Variants in PPFIA2 observed in about 807,000 individuals in gnomAD.
PPFIA2 encodes the protein PPFI scaffold protein A2.
In PPFIA2, 46 loss-of-function variants were observed where a neutral mutation model predicts 175.5. That is an observed-to-expected ratio of 0.26 (90% confidence interval 0.21 to 0.34). PPFIA2 has a LOEUF of 0.34. Ranked by LOEUF, PPFIA2 falls within the 10% of genes least tolerant of loss-of-function variation. The pLI, the probability that PPFIA2 is intolerant of heterozygous loss-of-function variation, is 1.00. For missense variants in PPFIA2, 1,179 were observed against 1,506.1 expected (o/e 0.78, Z 3.60); for synonymous variants, 568 against 511.4 (o/e 1.11, Z -1.49).
chr12:81,295,601 C>G (rs1383731761), intron 23 of PPFIA2, among the ~76,000 whole-genome samples: 9 of 152,092 alleles, frequency 5.9e-5, no homozygotes, highest in Admixed American at 5.9e-4. Context: ...TATGAAAATG[C>G]CTTTTAGAGA....
At chr12:81,362,910 C>A in intron 14 of PPFIA2, 126 bp from the exon 15 acceptor site, 1 of 534,294 alleles carries the variant, frequency 1.9e-6, no homozygotes, top group East Asian at 3.1e-5. Flanking sequence ...GGTTATTACA[C>A]ATAATAATAA....
intron 7 of PPFIA2, chr12:81,424,766 C>T (rs1384450581): frequency 6.6e-6 from 1 of 152,146 alleles, no homozygotes; most frequent in Admixed American, 6.6e-5. Flanking sequence ...TGTTTATTAG[C>T]TCCCTATAAT....
chr12:81,304,569 A>C (rs1014894556), intron 22 of PPFIA2, among the ~76,000 whole-genome samples: 2 of 152,240 alleles, frequency 1.3e-5, no homozygotes, highest in African/African-American at 4.8e-5. Flanking sequence ...ACATTTGAGT[A>C]GAAACATGTA....
chr12:81,694,923 C>G (rs562010473), intron 3 of PPFIA2, among the ~76,000 whole-genome samples: 8 of 152,186 alleles, frequency 5.3e-5, no homozygotes, highest in Non-Finnish European at 1.2e-4. Flanking sequence ...TATTTGGGAG[C>G]TTTAAAATTT....
chr12:81,499,187 C>T (rs1594055901), intron 4 of PPFIA2, among the ~76,000 whole-genome samples: 1 of 152,142 alleles, frequency 6.6e-6, no homozygotes, highest in African/African-American at 2.4e-5. Context: ...CTGTACCATG[C>T]CCCTGTAATG....
chr12:81,377,475 C>A (rs1284125019), intron 9 of PPFIA2, among the ~76,000 whole-genome samples: 2 of 151,938 alleles, frequency 1.3e-5, no homozygotes, highest in African/African-American at 4.8e-5. Flanking sequence ...ATCGCTTGAA[C>A]CTGGGAGGTG....
chr12:81,517,623 T>G (rs535926230), intron 4 of PPFIA2, among the ~76,000 whole-genome samples: 60 of 152,250 alleles, frequency 3.9e-4, no homozygotes, highest in Non-Finnish European at 2.4e-4. Flanking sequence ...TTGAGAACAC[T>G]AGTTGCAAGA....
At chr12:81,330,884 C>T (rs1044142043) in intron 21 of PPFIA2, among the ~76,000 whole-genome samples, 1 of 152,194 alleles carries the variant, frequency 6.6e-6, no homozygotes, top group Non-Finnish European at 1.5e-5. Context: ...TGTATCTATA[C>T]ACAGTGCCTG....
At chr12:81,493,795 G>A (rs1292643324) in intron 4 of PPFIA2, among the ~76,000 whole-genome samples, 3 of 121,310 alleles carry the variant, frequency 2.5e-5, no homozygotes, top group African/African-American at 1.0e-4. Flanking sequence ...TATACACATT[G>A]GAAAAAATAA....
intron 4 of PPFIA2, among the ~76,000 whole-genome samples, chr12:81,548,349 G>A (rs2067314225): frequency 1.3e-5 from 2 of 152,046 alleles, no homozygotes; most frequent in South Asian, 2.1e-4. Flanking sequence ...GCAAGAGCAA[G>A]TTTATTTTCT....
chr12:81,709,090 C>G (rs918948626), intron 3 of PPFIA2, among the ~76,000 whole-genome samples: 1 of 151,506 alleles, frequency 6.6e-6, no homozygotes, highest in Non-Finnish European at 1.5e-5. Context: ...TGTTTCAAAC[C>G]TTCTCTCTCA....
chr12:81,266,843 A>T (rs776946726), intron 30 of PPFIA2, 109 bp downstream of exon 30: 19 of 790,144 alleles, frequency 2.4e-5, no homozygotes, highest in Admixed American at 2.4e-4. Context: ...GATTCTAACC[A>T]TAGAACAGTC....
At chr12:81,504,478 A>T (rs949598914) in intron 4 of PPFIA2, among the ~76,000 whole-genome samples, 3 of 152,234 alleles carry the variant, frequency 2.0e-5, no homozygotes, top group Non-Finnish European at 4.4e-5. Context: ...GGCGATCATT[A>T]AAAAGTCAGG....
At chr12:81,621,270 C>T (rs1332669041) in intron 4 of PPFIA2, among the ~76,000 whole-genome samples, 2 of 152,104 alleles carry the variant, frequency 1.3e-5, no homozygotes, top group African/African-American at 4.8e-5. Context: ...TAGGGTGTGA[C>T]TGAAGAAGAA....
At chr12:81,573,916 A>G (rs1363636756) in intron 4 of PPFIA2, among the ~76,000 whole-genome samples, 6 of 151,930 alleles carry the variant, frequency 3.9e-5, no homozygotes, top group African/African-American at 1.4e-4. Flanking sequence ...AAGAAAAAAG[A>G]AACAATTTGT....
chr12:81,339,487 G>GTT (rs147870788), intron 20 of PPFIA2, among the ~76,000 whole-genome samples, 153 bp from the exon 21 acceptor site: 5 of 148,320 alleles, frequency 3.4e-5, no homozygotes, highest in Middle Eastern at 3.5e-3. Flanking sequence ...ATTAAATGCA[G>GTT]TTTTTTTTTT....
intron 4 of PPFIA2, among the ~76,000 whole-genome samples, chr12:81,458,918 AT>A (rs1440523987): frequency 6.6e-6 from 1 of 152,190 alleles, no homozygotes; most frequent in Non-Finnish European, 1.5e-5. Context: ...CACTCAGAAG[AT>A]TAAAAAACAT....
At chr12:81,444,627 T>A (rs539310490) in intron 6 of PPFIA2, among the ~76,000 whole-genome samples, 103 of 152,142 alleles carry the variant, frequency 6.8e-4, no homozygotes, top group Admixed American at 2.2e-3. Flanking sequence ...ACATACACAC[T>A]CCACATAATC....
intron 32 of PPFIA2, chr12:81,260,796 G>A (rs1386247003): frequency 1.3e-5 from 2 of 152,098 alleles, no homozygotes; most frequent in Non-Finnish European, 2.9e-5. Flanking sequence ...TCTTAACCCT[G>A]TGCACACATT....
Sources: allele counts gnomAD v4.1 joint callset (sites outside exome capture counted in the v4.1 genomes callset), GRCh38; gene constraint gnomAD v4.1.1; transcripts MANE v1.5; gene names NCBI Gene and HGNC (gene_info 2026-07-23, HGNC 2026-07-21).